Variants in ZFYVE26 observed in about 807,000 individuals in gnomAD.
The protein encoded by ZFYVE26 is zinc finger FYVE domain-containing protein 26.
A neutral mutation model predicts 276.5 loss-of-function variants in ZFYVE26; 181 were observed. That is an observed-to-expected ratio of 0.65 (90% CI 0.58 to 0.74). The LOEUF is 0.74. ZFYVE26 is among the 30% of genes least tolerant of loss of function. ZFYVE26 has a pLI of 0.00. For synonymous variants in ZFYVE26, 1,129 were observed against 1,203.1 expected, an observed-to-expected ratio of 0.94 and a Z score of 1.27; for missense variants, 2,821 against 3,097.9, an observed-to-expected ratio of 0.91 and a Z score of 2.12.
At position 67,804,208 on chromosome 14, in the gene ZFYVE26, G is replaced by T; in HGVS notation, c.1328C>A (p.Ser443Ter). 1 of 1,614,160 alleles carries T rather than the reference G, an allele frequency of 6.2e-7. No homozygotes were observed. The highest frequency in any genetic ancestry group is 8.5e-7 in the Non-Finnish European group (1 of 1,180,012). ...AAGGTGATGGAGAGTGTAGAGCACT[G>T]AGTGGCTGTCTCCACCGTGTAAATG... is the stretch of plus-strand genomic sequence containing the variant. The part of the protein sequence containing the change: ...LYHLHGGDSH[S>*]VLYTLHHLTN... The change falls in exon 9 of 42, where the codon TCA (serine) becomes TAA (stop). Residue 443 changes from serine to a stop codon, truncating the protein, a stop_gained. Coordinates refer to ENST00000347230, the MANE Select transcript of ZFYVE26 (RefSeq NM_015346.4). LOFTEE classifies it high-confidence loss of function.
chr14:67,760,302 T>A (rs944712822), intron 35 of ZFYVE26, among the ~76,000 whole-genome samples: 3 of 152,202 alleles, frequency 2.0e-5, no homozygotes, highest in African/African-American at 7.2e-5. Flanking sequence ...AAGACCTGGT[T>A]AGTAGCTAAG....
chr14:67,786,907 GATC>G (rs2039674395), intron 16 of ZFYVE26, among the ~76,000 whole-genome samples: 1 of 152,170 alleles, frequency 6.6e-6, no homozygotes. Context: ...TAGAACTGAA[GATC>G]ATTATGTTAA....
intron 39 of ZFYVE26, among the ~76,000 whole-genome samples, chr14:67,753,231 C>T (rs2038694948): frequency 6.6e-6 from 1 of 152,168 alleles, no homozygotes; most frequent in Admixed American, 6.5e-5. Context: ...GAGACTCTGC[C>T]CCTCATGGTC....
rs752049162 is a variant in ZFYVE26 at position 67,785,841 on chromosome 14, A to G, written c.3304+17T>C. 5.6e-5 allele frequency: 91 copies of G among 1,613,850 alleles called. No homozygotes were observed. The highest frequency in any genetic ancestry group is 6.1e-5 in the Non-Finnish European group (72 of 1,180,016). On this transcript the variant is annotated intron_variant, in intron 18 of 41. Coordinates refer to ENST00000347230, the MANE Select transcript of ZFYVE26 (RefSeq NM_015346.4). ...CCAGTTCAGCTTTTATTTGTTCCCAAGCAGACAGCCTTATACCTGGCAGCT... is the reference window on the plus strand; with the variant it reads ...CCAGTTCAGCTTTTATTTGTTCCCAGGCAGACAGCCTTATACCTGGCAGCT...
chr14:67,777,808 A>C, intron 24 of ZFYVE26, 73 bp from the exon 25 acceptor site: 1 of 1,573,418 alleles, frequency 6.4e-7, no homozygotes, highest in East Asian at 2.2e-5. Context: ...TTTGTTTGAG[A>C]ATAGAATATT....
chr14:67,803,173 T>C (rs893873662), intron 9 of ZFYVE26, among the ~76,000 whole-genome samples: 9 of 151,940 alleles, frequency 5.9e-5, no homozygotes, highest in Admixed American at 4.6e-4. Context: ...CTGGGCAACA[T>C]AGCAAGACTC....
intron 28 of ZFYVE26, among the ~76,000 whole-genome samples, chr14:67,770,628 A>G (rs2039185357): frequency 6.6e-6 from 1 of 152,188 alleles, no homozygotes; most frequent in Non-Finnish European, 1.5e-5. Flanking sequence ...TAATATAGTA[A>G]TAATATTACC....
At chr14:67,772,444 T>A (rs1200278931) in intron 27 of ZFYVE26, among the ~76,000 whole-genome samples, 1 of 152,240 alleles carries the variant, frequency 6.6e-6, no homozygotes, top group Non-Finnish European at 1.5e-5. Flanking sequence ...ATATTAAGCC[T>A]GAATCAAGTC....
Position 67,755,130 on chromosome 14 carries a change from G to C in ZFYVE26, c.6907C>G (p.Leu2303Val). The change falls in exon 37 of 42, where the codon CTC (leucine) becomes GTC (valine). Residue 2303 changes from leucine to valine, a missense_variant. Transcript: ENST00000347230. Reference sequence around the variant, plus strand: ...CCAGAGCTGCGGGATGTTTCTTGGAGGTAGATCTTCAGGTGGTCCTTGGCC... The same window carrying C: ...CCAGAGCTGCGGGATGTTTCTTGGACGTAGATCTTCAGGTGGTCCTTGGCC... ...LKAKDHLKIY[L>V]QETSRSSGRK... 1 of 1,614,152 alleles carries C rather than the reference G, an allele frequency of 6.2e-7. No homozygotes were observed. Among genetic ancestry groups the C allele is most frequent in the Non-Finnish European group, 8.5e-7 (1 of 1,180,022 alleles).
intron 10 of ZFYVE26, among the ~76,000 whole-genome samples, chr14:67,801,085 C>T (rs1305106274): frequency 1.3e-5 from 2 of 152,034 alleles, no homozygotes; most frequent in Non-Finnish European, 2.9e-5. Context: ...AACACCATCT[C>T]TACTAAAATA....
intron 12 of ZFYVE26, among the ~76,000 whole-genome samples, chr14:67,794,666 T>G (rs1384605632): frequency 6.6e-6 from 1 of 152,236 alleles, no homozygotes. Context: ...GACAACTGGC[T>G]GGGTGCAGTG....
intron 23 of ZFYVE26, among the ~76,000 whole-genome samples, chr14:67,779,426 G>A (rs578169829): frequency 3.9e-5 from 6 of 152,182 alleles, no homozygotes; most frequent in South Asian, 4.1e-4. Flanking sequence ...TTAGCTGGGC[G>A]TGGTGGCTGC....
At position 67,748,442 on chromosome 14, in the gene ZFYVE26, C is replaced by T. The variant is rs2038544208; in HGVS notation, c.7614G>A (p.Arg2538=). The change falls in exon 42 of 42, where the codon AGG becomes AGA. Residue 2538 remains arginine (R), a synonymous_variant. Coordinates refer to ENST00000347230, the MANE Select transcript of ZFYVE26 (RefSeq NM_015346.4). ...HPRGAHGPGS[R]K is the part of the protein sequence containing the mutation. ...CTGGCCCCACTGCCCAAGGTCACTT[C>T]CTGGAGCCTGGGCCATGGGCACCCC... 3 of 1,612,104 alleles carry T rather than the reference C, an allele frequency of 1.9e-6. No homozygotes were observed. The highest frequency in any genetic ancestry group is 4.5e-5 in the East Asian group (2 of 44,884).
chr14:67,737,447 C>T (rs2038365391), intron 13 of ZFYVE26, among the ~76,000 whole-genome samples: 2 of 152,082 alleles, frequency 1.3e-5, no homozygotes, highest in Non-Finnish European at 2.9e-5. Context: ...GCAGGGGAAA[C>T]TGCCACTTTT....
intron 8 of ZFYVE26, among the ~76,000 whole-genome samples, chr14:67,804,768 A>T (rs1385956450): frequency 6.6e-6 from 1 of 152,244 alleles, no homozygotes; most frequent in Non-Finnish European, 1.5e-5. Context: ...ATCCAGGATA[A>T]CGTAAGACTA....
intron 9 of ZFYVE26, among the ~76,000 whole-genome samples, chr14:67,803,503 G>A (rs909424544): frequency 6.6e-6 from 1 of 151,884 alleles, no homozygotes; most frequent in Non-Finnish European, 1.5e-5. Flanking sequence ...CACCACACCC[G>A]GCTAATTTTT....
chr14:67,805,906 A>C (rs1289959157), intron 6 of ZFYVE26, among the ~76,000 whole-genome samples: 1 of 152,170 alleles, frequency 6.6e-6, no homozygotes, highest in Non-Finnish European at 1.5e-5. Flanking sequence ...ACATGCCTGT[A>C]ATCCCAGCTA....
intron 27 of ZFYVE26, among the ~76,000 whole-genome samples, chr14:67,773,443 T>C (rs1196388968): frequency 6.6e-6 from 1 of 150,930 alleles, no homozygotes; most frequent in Non-Finnish European, 1.5e-5. Flanking sequence ...TCCTAGCTAC[T>C]TGGGAAGCTG....
At chr14:67,799,380 AG>A in intron 10 of ZFYVE26, 1 of 1,611,778 alleles carries the variant, frequency 6.2e-7, no homozygotes, top group South Asian at 1.1e-5. Context: ...TCGAAACAAA[AG>A]ATGAATGCAA....
Sources: gnomAD v4.1 joint callset for allele counts (sites outside exome capture counted in the v4.1 genomes callset) on GRCh38, gnomAD v4.1.1 for gene constraint, MANE v1.5 for transcripts, NCBI Gene and HGNC (gene_info 2026-07-23, HGNC 2026-07-21) for gene names.